GJB3: variants seen among roughly 807,000 people sequenced by gnomAD.
GJB3 encodes gap junction beta-3 protein.
In GJB3, 6 loss-of-function variants were observed where a neutral mutation model predicts 8.1. That is an observed-to-expected ratio of 0.75 (90% CI 0.41 to 1.47). The LOEUF (loss-of-function observed/expected upper bound fraction) is 1.47. GJB3 is among the 40% of genes most tolerant of loss of function. The probability of loss-of-function intolerance (pLI) is 0.02; values close to 1 mark genes in which losing one functional copy is unlikely to be tolerated. For synonymous variants in GJB3, 137 were observed against 156.4 expected, an observed-to-expected ratio of 0.88 and a Z score of 0.93; for missense variants, 348 against 365.6, an observed-to-expected ratio of 0.95 and a Z score of 0.39.
At chr1:34,783,837 C>G (rs1026744293) in intron 1 of GJB3, among the ~76,000 whole-genome samples, 2 of 152,290 alleles carry the variant, frequency 1.3e-5, no homozygotes, top group Admixed American at 1.3e-4. Flanking sequence ...TGAGTTAAGG[C>G]CTGAACAAAG....
At chr1:34,784,258 T>A (rs1640061768) in intron 1 of GJB3, among the ~76,000 whole-genome samples, 1 of 151,928 alleles carries the variant, frequency 6.6e-6, no homozygotes, top group African/African-American at 2.4e-5. Context: ...CACCTCTTGT[T>A]TTAAGTGAGT....
At chr1:34,782,107 G>A (rs1415158314) in intron 1 of GJB3, among the ~76,000 whole-genome samples, 1 of 152,200 alleles carries the variant, frequency 6.6e-6, no homozygotes, top group Admixed American at 6.5e-5. Flanking sequence ...GGGAGGTAGG[G>A]CTGGGCACAG....
Position 34,786,258 on chromosome 1 carries a change from A to G in GJB3, c.*683A>G, listed in dbSNP as rs536299312. On this transcript the variant is annotated 3_prime_UTR_variant, in exon 2 of 2. Transcript: ENST00000373366. This position sits in a 1 kb window ranked among gnomAD's most constrained non-coding sequence, Gnocchi z 4.4. ...CATCTTCCTCCCCACAACTGTGCTCAGGCTGGTGCCAGCCTTTCAGACCCT... is the reference window on the plus strand; with the variant it reads ...CATCTTCCTCCCCACAACTGTGCTCGGGCTGGTGCCAGCCTTTCAGACCCT... The G allele has an allele frequency of 1.6e-3, 274 of 167,800 alleles. 2 individuals are homozygous for G. The highest frequency in any genetic ancestry group is 4.4e-5 in the Non-Finnish European group (3 of 68,560). 10.4% of individuals were successfully genotyped at this position (167,800 alleles called of 1,614,324 possible).
rs1307706793 is a variant in GJB3 at position 34,785,332 on chromosome 1, C to A, written c.570C>A (p.Phe190Leu). ...CCGAGAAGAAAATCTTCACCTACTTCATGGTGGGCGCCTCCGCCGTCTGCA... is the reference window on the plus strand; with the variant it reads ...CCGAGAAGAAAATCTTCACCTACTTAATGGTGGGCGCCTCCGCCGTCTGCA... ...RPTEKKIFTY[F>L]MVGASAVCIV... Residue 190 changes from phenylalanine (F) to leucine (L), a missense_variant, in exon 2 of 2, where the codon TTC (phenylalanine) becomes TTA (leucine). Physicochemically the swap from Phe to Leu is conservative, Grantham distance 22. Coordinates refer to ENST00000373366, the MANE Select transcript of GJB3 (RefSeq NM_024009.3). This position sits in a 1 kb window ranked among gnomAD's most constrained non-coding sequence, Gnocchi z 4.7. 6.2e-7 allele frequency: 1 copy of A among 1,613,896 alleles called. No individual in the cohort carries two copies. Among genetic ancestry groups the A allele is most frequent in the Non-Finnish European group, 8.5e-7 (1 of 1,179,866 alleles).
chr1:34,784,840 C>T lies in GJB3; in HGVS notation c.78C>T (p.Ser26=), dbSNP rs1002411368. 2.5e-6 allele frequency: 4 copies of T among 1,614,098 alleles called. No individual in the cohort carries two copies. The highest frequency in any genetic ancestry group is 3.4e-6 in the Non-Finnish European group (4 of 1,180,034). Residue 26 remains serine (S), a synonymous_variant, in exon 2 of 2, where the codon TCC becomes TCT. Transcript: ENST00000373366. ...YSTAFGRIWL[S]VVFVFRVLVY... is the part of the protein sequence containing the mutation. ...CAGCGTTCGGGCGCATCTGGCTGTC[C>T]GTGGTGTTCGTCTTCCGGGTGCTGG...
chr1:34,784,893 G>C lies in GJB3; in HGVS notation c.131G>C (p.Trp44Ser), dbSNP rs781630610. Residue 44 changes from tryptophan (W) to serine (S), a missense_variant, in exon 2 of 2, where the codon TGG becomes TCG. Physicochemically the swap from Trp to Ser is radical, Grantham distance 177. Coordinates refer to ENST00000373366, the MANE Select transcript of GJB3 (RefSeq NM_024009.3). ...LVYVVAAERVWGDEQKDFDCN... is the reference protein window; with the variant it reads ...LVYVVAAERVSGDEQKDFDCN... ...TACGTGGTGGCTGCAGAGCGCGTGT[G>C]GGGGGATGAGCAGAAGGACTTTGAC... is the stretch of plus-strand genomic sequence containing the variant. 13 of 1,613,936 alleles carry C rather than the reference G, an allele frequency of 8.1e-6. No individual in the cohort carries two copies. Among genetic ancestry groups the C allele is most frequent in the Middle Eastern group, 1.6e-4 (1 of 6,082 alleles).
chr1:34,783,967 C>A (rs960133009), intron 1 of GJB3, among the ~76,000 whole-genome samples: 2 of 152,168 alleles, frequency 1.3e-5, no homozygotes, highest in East Asian at 3.9e-4. Context: ...AGTGTCCTCC[C>A]AGGAGTCAGA....
rs532264196 is a variant in GJB3, at chr1:34,781,325, G to C, written c.-479G>C. On this transcript the variant is annotated 5_prime_UTR_variant, in exon 1 of 2. Transcript: ENST00000373366. The surrounding 1 kb of genome is among the most constrained non-coding windows in gnomAD (Gnocchi z 6.2). The stretch of plus-strand genomic sequence containing the variant: ...ACGGCCCGTCGCACCGGGAGGGGGG[G>C]CTCCCAGGGGTGCCCCACGCACGGT... 2 of 152,318 alleles carry C rather than the reference G, an allele frequency of 1.3e-5. No homozygotes were observed. The highest frequency in any genetic ancestry group is 4.8e-5 in the African/African-American group (2 of 41,576). The allele number at this position is 152,318 out of a possible 1,614,324, so 9.4% of individuals were successfully genotyped here.
At chr1:34,784,563 A>G (rs1273382016) in intron 1 of GJB3, among the ~76,000 whole-genome samples, 175 bp from the exon 2 acceptor site, 1 of 152,112 alleles carries the variant, frequency 6.6e-6, no homozygotes, top group Non-Finnish European at 1.5e-5. Flanking sequence ...AAGTTATATA[A>G]CCTTGCTGTG....
chr1:34,783,307 C>T (rs1640045021), intron 1 of GJB3, among the ~76,000 whole-genome samples: 1 of 152,042 alleles, frequency 6.6e-6, no homozygotes, highest in South Asian at 2.1e-4. Context: ...CTTTCAGACC[C>T]AGGGTAATCT....
intron 1 of GJB3, among the ~76,000 whole-genome samples, chr1:34,782,928 A>T (rs1640036172): frequency 6.6e-6 from 1 of 152,120 alleles, no homozygotes; most frequent in African/African-American, 2.4e-5. Flanking sequence ...TTCAGCGCTG[A>T]GTGCCTACTA....
Position 34,785,951 on chromosome 1 carries a change from A to G in GJB3, c.*376A>G. On this transcript the variant is annotated 3_prime_UTR_variant, in exon 2 of 2. Coordinates refer to ENST00000373366, the MANE Select transcript of GJB3 (RefSeq NM_024009.3). The surrounding 1 kb of genome is among the most constrained non-coding windows in gnomAD (Gnocchi z 4.7). ...GTAAGAGAGGTGAGAAGTGCTCCCA[A>G]GCAGACACAACAGCAGCACAGAGGT... is the stretch of plus-strand genomic sequence containing the variant. 1 of 278,978 alleles carries G rather than the reference A, an allele frequency of 3.6e-6. No individual in the cohort carries two copies. Among genetic ancestry groups the G allele is most frequent in the Non-Finnish European group, 7.3e-6 (1 of 136,362 alleles). 17.3% of individuals were successfully genotyped at this position (278,978 alleles called of 1,614,324 possible).
Position 34,784,845 on chromosome 1 carries a change from T to C in GJB3, c.83T>C (p.Val28Ala). The C allele has an allele frequency of 6.2e-7, 1 of 1,614,208 alleles. No homozygotes were observed. Among genetic ancestry groups the C allele is most frequent in the Non-Finnish European group, 8.5e-7 (1 of 1,180,042 alleles). Reference sequence around the variant, plus strand: ...TTCGGGCGCATCTGGCTGTCCGTGGTGTTCGTCTTCCGGGTGCTGGTATAC... The same window carrying C: ...TTCGGGCGCATCTGGCTGTCCGTGGCGTTCGTCTTCCGGGTGCTGGTATAC... ...TAFGRIWLSV[V>A]FVFRVLVYVV... Residue 28 changes from valine to alanine, a missense_variant, in exon 2 of 2, where the codon GTG (valine) becomes GCG (alanine). Physicochemically the swap from Val to Ala is moderately conservative, Grantham distance 64. Transcript: ENST00000373366.
At position 34,784,928 on chromosome 1, in the gene GJB3, A is replaced by C. The variant is rs746219527; in HGVS notation, c.166A>C (p.Lys56Gln). The change falls in exon 2 of 2, where the codon AAG (lysine) becomes CAG (glutamine). Residue 56 changes from lysine (K) to glutamine (Q), a missense_variant. Transcript: ENST00000373366. ...DEQKDFDCNT[K>Q]QPGCTNVCYD... Reference sequence around the variant, plus strand: ...GCAGAAGGACTTTGACTGCAACACCAAGCAGCCCGGCTGCACCAACGTCTG... The same window carrying C: ...GCAGAAGGACTTTGACTGCAACACCCAGCAGCCCGGCTGCACCAACGTCTG... The C allele has an allele frequency of 6.2e-6, 10 of 1,614,156 alleles. No homozygotes were observed. The highest frequency in any genetic ancestry group is 7.6e-6 in the Non-Finnish European group (9 of 1,180,014).
At chr1:34,782,777 C>T (rs1371205759) in intron 1 of GJB3, among the ~76,000 whole-genome samples, 1 of 152,140 alleles carries the variant, frequency 6.6e-6, no homozygotes, top group African/African-American at 2.4e-5. Context: ...AGGAACTGTG[C>T]TCTCTCCCTC....
intron 1 of GJB3, among the ~76,000 whole-genome samples, chr1:34,783,459 G>A (rs1041850050): frequency 1.3e-5 from 2 of 152,216 alleles, no homozygotes; most frequent in African/African-American, 4.8e-5. Context: ...AGGGTGGCAG[G>A]GTGAAAATGT....
In GJB3 at chr1:34,785,619, A is replaced by G; in HGVS notation, c.*44A>G. 1.3e-6 allele frequency: 2 copies of G among 1,508,934 alleles called. No individual in the cohort carries two copies. The highest frequency in any genetic ancestry group is 1.8e-6 in the Non-Finnish European group (2 of 1,087,014). 93.5% of individuals were successfully genotyped at this position (1,508,934 alleles called of 1,614,324 possible). On this transcript the variant is annotated 3_prime_UTR_variant, in exon 2 of 2. Transcript: ENST00000373366. The surrounding 1 kb of genome is among the most constrained non-coding windows in gnomAD (Gnocchi z 4.7). ...GCAACATGCGGGCTGCCAATGGGACATGCAGGGCGGTGTGGCAGGTGGAGA... is the reference window on the plus strand; with the variant it reads ...GCAACATGCGGGCTGCCAATGGGACGTGCAGGGCGGTGTGGCAGGTGGAGA...
rs745423606 is a variant in GJB3, at chr1:34,785,614, G to A, written c.*39G>A. On this transcript the variant is annotated 3_prime_UTR_variant, in exon 2 of 2. Coordinates refer to ENST00000373366, the MANE Select transcript of GJB3 (RefSeq NM_024009.3). The surrounding 1 kb of genome is among the most constrained non-coding windows in gnomAD (Gnocchi z 4.7). ...GTGGGGCAACATGCGGGCTGCCAATGGGACATGCAGGGCGGTGTGGCAGGT... is the reference window on the plus strand; with the variant it reads ...GTGGGGCAACATGCGGGCTGCCAATAGGACATGCAGGGCGGTGTGGCAGGT... 2 of 1,526,738 alleles carry A rather than the reference G, an allele frequency of 1.3e-6. No individual in the cohort carries two copies. Among genetic ancestry groups the A allele is most frequent in the African/African-American group, 1.4e-5 (1 of 73,210 alleles). 94.6% of individuals were successfully genotyped at this position (1,526,738 alleles called of 1,614,324 possible).
Position 34,785,000 on chromosome 1 carries a change from C to A in GJB3, c.238C>A (p.Gln80Lys), listed in dbSNP as rs1384974453. The change falls in exon 2 of 2, where the codon CAG becomes AAG. Residue 80 changes from glutamine (Q) to lysine (K), a missense_variant. Coordinates refer to ENST00000373366, the MANE Select transcript of GJB3 (RefSeq NM_024009.3). Reference protein sequence around the residue: ...PISNIRLWALQLIFVTCPSLL... With the variant: ...PISNIRLWALKLIFVTCPSLL... ...CTCCAACATCCGCCTCTGGGCCCTG[C>A]AGCTCATCTTCGTCACATGCCCCTC... 1 of 1,614,212 alleles carries A rather than the reference C, an allele frequency of 6.2e-7. No individual in the cohort carries two copies. The highest frequency in any genetic ancestry group is 8.5e-7 in the Non-Finnish European group (1 of 1,180,036).
Sources: allele counts gnomAD v4.1 joint callset (sites outside exome capture counted in the v4.1 genomes callset), GRCh38; gene constraint gnomAD v4.1.1; non-coding constraint Gnocchi (gnomAD v3.1); transcripts MANE v1.5; gene names NCBI Gene and HGNC (gene_info 2026-07-23, HGNC 2026-07-21).